The following INPP4A variants were observed in gnomAD, a reference collection of about 807,000 sequenced individuals.
The protein encoded by INPP4A is inositol polyphosphate-4-phosphatase type I A.
Under a neutral mutation model 119.8 loss-of-function variants are expected in INPP4A, and 33 were observed. The observed-to-expected ratio is 0.28, with a 90% confidence interval of 0.21 to 0.37. The LOEUF (loss-of-function observed/expected upper bound fraction) is 0.37, where lower values mean the gene tolerates loss of function less well. Ranked by LOEUF, INPP4A falls within the 10% of genes least tolerant of loss-of-function variation. The pLI, the probability that INPP4A is intolerant of heterozygous loss-of-function variation, is 1.00. For synonymous variants in INPP4A, 496 were observed against 500.7 expected (o/e 0.99, Z 0.12); for missense variants, 956 against 1,289.9 (o/e 0.74, Z 3.97).
chr2:98,578,335 G>T (rs1698764825), intron 24 of INPP4A, among the ~76,000 whole-genome samples: 3 of 152,170 alleles, frequency 2.0e-5, no homozygotes, highest in Non-Finnish European at 4.4e-5. Flanking sequence ...GGACATTCTG[G>T]TGAGCTGCAG....
At chr2:98,446,273 GA>G (rs771949408) in intron 1 of INPP4A, among the ~76,000 whole-genome samples, 39 of 152,362 alleles carry the variant, frequency 2.6e-4, no homozygotes, top group South Asian at 1.7e-3. Context: ...TTCTTTGGTT[GA>G]AAAACACACT....
rs540921223 is a variant in INPP4A, at chr2:98,570,898, T to C, written c.2519-1917T>C. Among the ~76,000 whole-genome samples, 1 of 152,104 alleles carries C rather than the reference T, an allele frequency of 6.6e-6. No homozygotes were observed. The highest frequency in any genetic ancestry group is 1.9e-4 in the East Asian group (1 of 5,156). ...GTGGAGGTGACTGGCAGAGATGCAGTTGGAGCCAGAGAGCCTGGAAAAATA... is the reference window on the plus strand; with the variant it reads ...GTGGAGGTGACTGGCAGAGATGCAGCTGGAGCCAGAGAGCCTGGAAAAATA... On this transcript the variant is annotated intron_variant, in intron 22 of 24. Transcript: ENST00000409851. This position sits in a 1 kb window ranked among gnomAD's most constrained non-coding sequence, Gnocchi z 4.3.
chr2:98,537,643 G>T (rs574672145), intron 7 of INPP4A, among the ~76,000 whole-genome samples: 1 of 152,114 alleles, frequency 6.6e-6, no homozygotes, highest in Non-Finnish European at 1.5e-5. Flanking sequence ...CCTGTGGTGC[G>T]TGTCCGTTCA....
chr2:98,500,552 G>C (rs565210398), intron 1 of INPP4A, among the ~76,000 whole-genome samples: 8 of 152,182 alleles, frequency 5.3e-5, no homozygotes, highest in Non-Finnish European at 8.8e-5. Context: ...TTGCAGTGGT[G>C]GGGGGAGATT....
intron 24 of INPP4A, chr2:98,581,777 T>A (rs770845575): frequency 3.7e-6 from 6 of 1,602,802 alleles, no homozygotes; most frequent in Non-Finnish European, 4.3e-6. Flanking sequence ...GAAAAATTAA[T>A]AAGTCACAAG....
intron 22 of INPP4A, among the ~76,000 whole-genome samples, chr2:98,572,527 G>A (rs1206725634): frequency 2.0e-5 from 3 of 152,254 alleles, no homozygotes; most frequent in Non-Finnish European, 4.4e-5. Flanking sequence ...GGTGCGGGAG[G>A]CATGGGTATT....
At chr2:98,574,543 TAGG>T (rs1698086090) in intron 23 of INPP4A, among the ~76,000 whole-genome samples, 1 of 150,152 alleles carries the variant, frequency 6.7e-6, no homozygotes, top group African/African-American at 2.5e-5. Context: ...GCGGCTGAGG[TAGG>T]AGAATTGCTT....
At chr2:98,520,612 T>C (rs1326989346) in intron 3 of INPP4A, 75 bp from the exon 4 acceptor site, 2 of 860,784 alleles carry the variant, frequency 2.3e-6, no homozygotes, top group East Asian at 2.7e-5. Context: ...AAGTAGAGGG[T>C]CATTTGTGCA....
At position 98,547,583 on chromosome 2, in the gene INPP4A, G is replaced by T. The variant is rs150712283; in HGVS notation, c.1163+889G>T. On this transcript the variant is annotated intron_variant, in intron 13 of 24. Transcript: ENST00000409851. ...GTGTAGATGACCAGTAAGATCCTTG[G>T]ACTGTGACCACAAAGTAGAGGAAGT... 1.7e-3 allele frequency among the ~76,000 whole-genome samples: 256 copies of T among 152,184 alleles called. 4 individuals are homozygous for T. The Middle Eastern group carries it at 0.034, about 20-fold the overall frequency.
chr2:98,560,769 C>G (rs139683063), intron 17 of INPP4A, among the ~76,000 whole-genome samples: 1 of 152,362 alleles, frequency 6.6e-6, no homozygotes, highest in East Asian at 1.9e-4. Flanking sequence ...GGGCCATACC[C>G]AGCAGTTAGG....
chr2:98,503,979 A>G (rs1327865837), intron 1 of INPP4A, among the ~76,000 whole-genome samples: 1 of 152,284 alleles, frequency 6.6e-6, no homozygotes, highest in Non-Finnish European at 1.5e-5. Context: ...GTGGGTAGCT[A>G]CAGAGCACTG....
intron 17 of INPP4A, 80 bp from the exon 18 acceptor site, chr2:98,563,385 C>T: frequency 7.6e-7 from 1 of 1,324,056 alleles, no homozygotes; most frequent in Non-Finnish European, 1.1e-6. Context: ...TGGTTAGGGG[C>T]CAGGTGACTT....
rs1299975747 is a variant in INPP4A at position 98,466,519 on chromosome 2, C to T, written c.-166+21434C>T. On this transcript the variant is annotated intron_variant, in intron 1 of 24. Transcript: ENST00000409851. ...CTCAGCATGCAGCACTTCATTTAATCCTCTGGACACCTTGAATGATAAGTG... is the reference window on the plus strand; with the variant it reads ...CTCAGCATGCAGCACTTCATTTAATTCTCTGGACACCTTGAATGATAAGTG... Among the ~76,000 whole-genome samples the T allele has an allele frequency of 3.9e-5, 6 of 152,232 alleles. No individual in the cohort carries two copies. In the South Asian group the frequency reaches 1.2e-3, roughly 32 times the overall value.
rs1697110117 is a variant in INPP4A, at chr2:98,569,698, C to T, written c.2518+1030C>T. Reference sequence around the variant, plus strand: ...TCCAGATGAAGAAAGGGGTGCCTGGCTCTGAAGCCCATGTGCTTGGATTGT... The same window carrying T: ...TCCAGATGAAGAAAGGGGTGCCTGGTTCTGAAGCCCATGTGCTTGGATTGT... On this transcript the variant is annotated intron_variant, in intron 22 of 24. Transcript: ENST00000409851. The surrounding 1 kb of genome is among the most constrained non-coding windows in gnomAD (Gnocchi z 5.1). 6.6e-6 allele frequency: 1 copy of T among 152,298 alleles called. No individual in the cohort carries two copies. Among genetic ancestry groups the T allele is most frequent in the Non-Finnish European group, 1.5e-5 (1 of 68,146 alleles). 9.4% of individuals were successfully genotyped at this position (152,298 alleles called of 1,614,324 possible).
At chr2:98,548,980 T>C in intron 13 of INPP4A, 1 of 1,612,048 alleles carries the variant, frequency 6.2e-7, no homozygotes. Flanking sequence ...GTGAGTTTTC[T>C]GTCTGTGGAG....
At chr2:98,557,515 C>T (rs1694705917) in intron 16 of INPP4A, among the ~76,000 whole-genome samples, 1 of 152,206 alleles carries the variant, frequency 6.6e-6, no homozygotes, top group Non-Finnish European at 1.5e-5. Context: ...CTTTTTATAC[C>T]ATTCCAAGTT....
chr2:98,454,157 G>T (rs1250967274), intron 1 of INPP4A, among the ~76,000 whole-genome samples: 1 of 152,136 alleles, frequency 6.6e-6, no homozygotes, highest in Non-Finnish European at 1.5e-5. Flanking sequence ...CTAACAGGTG[G>T]ATCAGCATAT....
intron 23 of INPP4A, 138 bp from the exon 24 acceptor site, chr2:98,576,851 G>A: frequency 9.9e-7 from 1 of 1,013,902 alleles, no homozygotes; most frequent in Non-Finnish European, 1.4e-6. Flanking sequence ...GAACAAAATT[G>A]GAGCGTCTGG....
At chr2:98,475,919 A>C (rs1677111500) in intron 1 of INPP4A, among the ~76,000 whole-genome samples, 1 of 152,208 alleles carries the variant, frequency 6.6e-6, no homozygotes, top group South Asian at 2.1e-4. Context: ...CCACAAATGC[A>C]CTATCTTCTC....
Sources: gnomAD v4.1 joint callset for allele counts (sites outside exome capture counted in the v4.1 genomes callset) on GRCh38, gnomAD v4.1.1 for gene constraint, Gnocchi (gnomAD v3.1) non-coding constraint, MANE v1.5 for transcripts, NCBI Gene and HGNC (gene_info 2026-07-23, HGNC 2026-07-21) for gene names.